Variants in PLCB4 observed in about 807,000 individuals in gnomAD.
The protein encoded by PLCB4 is phospholipase C beta 4, also known as 1-phosphatidylinositol 4,5-bisphosphate phosphodiesterase beta-4.
Under a neutral mutation model 178.8 loss-of-function variants are expected in PLCB4, and 77 were observed. That is an observed-to-expected ratio of 0.43 (90% CI 0.36 to 0.52). The LOEUF is 0.52. Among genes scored for constraint, PLCB4 ranks in the 20% least tolerant of loss-of-function variants. The pLI is 0.00. For missense variants in PLCB4, 1,024 were observed against 1,453.4 expected (o/e 0.70, Z 4.80); for synonymous variants, 496 against 490.8 (o/e 1.01, Z -0.14).
rs2042256143 is a variant in PLCB4 at position 9,443,962 on chromosome 20, A to T, written c.2765-19A>T. Reference sequence around the variant, plus strand: ...GATTTTTAGTATACATAGTGACTTAATTTTTTTTGTTTGTTTAGGTATTGA... The same window carrying T: ...GATTTTTAGTATACATAGTGACTTATTTTTTTTTGTTTGTTTAGGTATTGA... On this transcript the variant is annotated intron_variant, in intron 30 of 39. Transcript: ENST00000378473. 5.5e-6 allele frequency: 8 copies of T among 1,456,362 alleles called. No homozygotes were observed. The highest frequency in any genetic ancestry group is 1.8e-5 in the Admixed American group (1 of 55,270). The allele number at this position is 1,456,362 out of a possible 1,614,324, so 90.2% of individuals were successfully genotyped here.
intron 2 of PLCB4, among the ~76,000 whole-genome samples, chr20:9,203,056 A>AAAAATATAT (rs769628056): frequency 2.3e-4 from 29 of 126,146 alleles, no homozygotes; most frequent in African/African-American, 9.6e-4. Flanking sequence ...AAAAAAAAAA[A>AAAAATATAT]ATATATATAT....
intron 1 of PLCB4, among the ~76,000 whole-genome samples, chr20:9,083,970 A>G (rs1392619344): frequency 1.3e-5 from 2 of 152,234 alleles, no homozygotes; most frequent in Non-Finnish European, 2.9e-5. Flanking sequence ...AACCTAATAC[A>G]GTGGAGGGTT....
chr20:9,231,922 A>C (rs1283086223), intron 3 of PLCB4, among the ~76,000 whole-genome samples: 1 of 152,186 alleles, frequency 6.6e-6, no homozygotes, highest in Non-Finnish European at 1.5e-5. Context: ...CAGGTGATGG[A>C]TAAAAAAGTT....
At chr20:9,276,234 T>C (rs1041241257) in intron 3 of PLCB4, among the ~76,000 whole-genome samples, 2 of 152,098 alleles carry the variant, frequency 1.3e-5, no homozygotes, top group African/African-American at 4.8e-5. Flanking sequence ...AGCTCTGTCA[T>C]TTTTAGCACG....
At position 9,478,923 on chromosome 20, in the gene PLCB4, G is replaced by A. The variant is rs761885301; in HGVS notation, c.3535G>A (p.Glu1179Lys). The A allele has an allele frequency of 3.0e-5, 49 of 1,612,344 alleles. No homozygotes were observed. The East Asian group carries it at 3.1e-4, about 10-fold the overall frequency. Residue 1179 changes from glutamate to lysine, a missense_variant and splice_region_variant, in exon 40 of 40, where the codon GAA becomes AAA. By Grantham distance (56) the Glu-to-Lys change is moderately conservative. This residue lies in a region of PLCB4 where 264 missense variants were observed against 283.2 expected (regional missense o/e 0.93). Transcript: ENST00000378473. ...SCHAVSQTQG[E>K]GDAADGEIGS... ...AGGCCATGTTTCTGATGTTATAGGC[G>A]AAGGAGATGCAGCAGATGGTGAAAT...
chr20:9,159,859 G>A (rs2092855895), intron 2 of PLCB4, among the ~76,000 whole-genome samples: 1 of 152,296 alleles, frequency 6.6e-6, no homozygotes, highest in Admixed American at 6.5e-5. Context: ...GTCATAGCAA[G>A]ATATTAACTG....
intron 3 of PLCB4, among the ~76,000 whole-genome samples, chr20:9,261,071 CT>C: frequency 6.6e-6 from 1 of 152,098 alleles, no homozygotes. Context: ...GTCTAAGACA[CT>C]TTTAAAGAAA....
intron 24 of PLCB4, among the ~76,000 whole-genome samples, chr20:9,410,223 A>C (rs1220162473): frequency 2.0e-5 from 3 of 152,070 alleles, no homozygotes; most frequent in Non-Finnish European, 4.4e-5. Flanking sequence ...ACCATTCTGC[A>C]TGGGGTCCCC....
At chr20:9,088,172 T>C (rs1418242492) in intron 1 of PLCB4, among the ~76,000 whole-genome samples, 2 of 28,196 alleles carry the variant, frequency 7.1e-5, no homozygotes, top group African/African-American at 3.0e-4. Flanking sequence ...GCTTTTCTTT[T>C]CTTTTCTTTT....
At chr20:9,467,467 G>T (rs751466360) in intron 35 of PLCB4, among the ~76,000 whole-genome samples, 1 of 152,024 alleles carries the variant, frequency 6.6e-6, no homozygotes, top group Non-Finnish European at 1.5e-5. Flanking sequence ...CATGGCAGAA[G>T]CACTTTTCAA....
intron 28 of PLCB4, among the ~76,000 whole-genome samples, chr20:9,434,716 GA>G (rs11389211): frequency 4.6e-5 from 7 of 151,178 alleles, no homozygotes; most frequent in African/African-American, 9.7e-5. Flanking sequence ...AAAAGGAAAA[GA>G]AAAAAAAATT....
chr20:9,211,110 G>A (rs1035727281), intron 2 of PLCB4, among the ~76,000 whole-genome samples: 7 of 152,110 alleles, frequency 4.6e-5, no homozygotes, highest in African/African-American at 1.4e-4. Context: ...ATTCATTCGA[G>A]GGCTTTTATG....
At chr20:9,200,301 C>T (rs1347712906) in intron 2 of PLCB4, among the ~76,000 whole-genome samples, 1 of 152,204 alleles carries the variant, frequency 6.6e-6, no homozygotes, top group African/African-American at 2.4e-5. Flanking sequence ...TGCAATCCAT[C>T]AACCAATGCT....
At chr20:9,395,437 CG>C in intron 18 of PLCB4, 85 bp from the exon 19 acceptor site, 1 of 844,052 alleles carries the variant, frequency 1.2e-6, no homozygotes, top group East Asian at 2.5e-5. Context: ...TCTCTTTTCA[CG>C]TCCTCCTCAG....
At chr20:9,273,048 G>T (rs940936474) in intron 3 of PLCB4, among the ~76,000 whole-genome samples, 13 of 152,034 alleles carry the variant, frequency 8.6e-5, no homozygotes, top group Non-Finnish European at 1.8e-4. Flanking sequence ...CAGGAATGGG[G>T]GCATTATTGG....
intron 21 of PLCB4, among the ~76,000 whole-genome samples, chr20:9,407,683 A>G (rs1281698852): frequency 6.6e-6 from 1 of 152,220 alleles, no homozygotes; most frequent in African/African-American, 2.4e-5. Flanking sequence ...AAATCTAAAA[A>G]TGTCCTACAA....
chr20:9,364,409 T>A (rs757157977), intron 8 of PLCB4, among the ~76,000 whole-genome samples: 21 of 152,220 alleles, frequency 1.4e-4, no homozygotes, highest in Non-Finnish European at 2.9e-4. Context: ...GGCTCAGACC[T>A]GTCCACTTCT....
At chr20:9,201,211 A>T (rs1357981677) in intron 2 of PLCB4, among the ~76,000 whole-genome samples, 2 of 152,214 alleles carry the variant, frequency 1.3e-5, no homozygotes, top group African/African-American at 4.8e-5. Flanking sequence ...TGTTTTCTAA[A>T]TATTAAATGC....
chr20:9,293,996 G>T (rs569491400), intron 3 of PLCB4, among the ~76,000 whole-genome samples: 2 of 152,306 alleles, frequency 1.3e-5, no homozygotes, highest in South Asian at 4.1e-4. Flanking sequence ...AGGAAAGGTG[G>T]TGAGGGAAGA....
Sources: gnomAD v4.1 joint callset for allele counts (sites outside exome capture counted in the v4.1 genomes callset) on GRCh38, gnomAD v4.1.1 for gene constraint, gnomAD v4.1.1 regional missense constraint, MANE v1.5 for transcripts, NCBI Gene and HGNC (gene_info 2026-07-23, HGNC 2026-07-21) for gene names.